The following PPP4R2 variants were observed in gnomAD, a reference collection of about 807,000 sequenced individuals.
The protein encoded by PPP4R2 is protein phosphatase 4 regulatory subunit 2.
Under a neutral mutation model 47.2 loss-of-function variants are expected in PPP4R2, and 13 were observed. That is an observed-to-expected ratio of 0.28 (90% CI 0.18 to 0.44). PPP4R2 has a LOEUF of 0.44. Ranked by LOEUF, PPP4R2 falls within the 20% of genes least tolerant of loss-of-function variation. The pLI, the probability that PPP4R2 is intolerant of heterozygous loss-of-function variation, is 1.00. For synonymous variants in PPP4R2, 151 were observed against 163.3 expected, an observed-to-expected ratio of 0.92 and a Z score of 0.57; for missense variants, 421 against 491.2, an observed-to-expected ratio of 0.86 and a Z score of 1.35.
chr3:73,036,349 T>C (rs1222542486), intron 2 of PPP4R2, among the ~76,000 whole-genome samples: 2 of 152,212 alleles, frequency 1.3e-5, no homozygotes, highest in African/African-American at 4.8e-5. Context: ...AGGATGACTA[T>C]AGTTAACAAT....
At chr3:73,012,651 C>G (rs2107229210) in intron 2 of PPP4R2, among the ~76,000 whole-genome samples, 1 of 152,270 alleles carries the variant, frequency 6.6e-6, no homozygotes, top group Admixed American at 6.5e-5. Flanking sequence ...GAATGTGGAA[C>G]TCGTAGATAC....
At chr3:72,999,648 G>A (rs1701419683) in intron 2 of PPP4R2, among the ~76,000 whole-genome samples, 1 of 152,168 alleles carries the variant, frequency 6.6e-6, no homozygotes, top group Admixed American at 6.5e-5. Flanking sequence ...CTAAAAGATA[G>A]CTTTTTAATA....
intron 2 of PPP4R2, among the ~76,000 whole-genome samples, chr3:73,018,834 A>T (rs1056950741): frequency 1.3e-5 from 2 of 152,074 alleles, no homozygotes; most frequent in Non-Finnish European, 2.9e-5. Flanking sequence ...ATTTACTGAG[A>T]AGTTTTCTTG....
rs890569323 is a variant in PPP4R2 at position 72,998,109 on chromosome 3, C to T, written c.67C>T (p.Pro23Ser). The change falls in exon 2 of 9, where the codon CCT (proline) becomes TCT (serine). Residue 23 changes from proline (P) to serine (S), a missense_variant. Transcript: ENST00000356692. ...FEKRGKKEVCPVLDQFLCHVA... is the reference protein window; with the variant it reads ...FEKRGKKEVCSVLDQFLCHVA... ...GAAGAGGGGGAAAAAGGAAGTTTGT[C>T]CTGTCCTGGATCAGTTTCTTTGTCA... 2 of 1,605,462 alleles carry T rather than the reference C, an allele frequency of 1.2e-6. No individual in the cohort carries two copies. The highest frequency in any genetic ancestry group is 2.3e-5 in the South Asian group (2 of 88,444).
intron 2 of PPP4R2, among the ~76,000 whole-genome samples, chr3:73,002,497 A>G (rs549221218): frequency 9.9e-4 from 150 of 152,160 alleles, no homozygotes; most frequent in Non-Finnish European, 1.2e-3. Flanking sequence ...GCCTTAAGCA[A>G]TCCTCCCAGA....
At chr3:73,032,748 C>CT in intron 2 of PPP4R2, among the ~76,000 whole-genome samples, 1 of 152,186 alleles carries the variant, frequency 6.6e-6, no homozygotes, top group Non-Finnish European at 1.5e-5. Context: ...AAACTTCCCA[C>CT]TTTAACTGCT....
intron 2 of PPP4R2, among the ~76,000 whole-genome samples, chr3:73,013,027 C>G (rs9850568): frequency 9.3e-5 from 14 of 150,632 alleles, no homozygotes; most frequent in Admixed American, 8.0e-4. Context: ...GATACTGATA[C>G]TTTTCTAGTC....
rs887301171 is a variant in PPP4R2, at chr3:73,006,731, A to G, written c.116+8573A>G. Among the ~76,000 whole-genome samples the G allele has an allele frequency of 3.6e-4, 55 of 152,308 alleles. 1 individual carries two copies. Among genetic ancestry groups the G allele is most frequent in the Non-Finnish European group, 1.5e-5 (1 of 68,034 alleles). On this transcript the variant is annotated intron_variant, in intron 2 of 8. Coordinates refer to ENST00000356692, the MANE Select transcript of PPP4R2 (RefSeq NM_174907.4). The stretch of plus-strand genomic sequence containing the variant: ...ACCTGCTTCGTCTTTTCGAACTCAG[A>G]GCAGTCTATTCACTCATTGCTAGAG...
Position 72,996,835 on chromosome 3 carries a change from G to C in PPP4R2, c.-203G>C, listed in dbSNP as rs1287526993. 1 of 397,428 alleles carries C rather than the reference G, an allele frequency of 2.5e-6. No individual in the cohort carries two copies. Among genetic ancestry groups the C allele is most frequent in the African/African-American group, 2.1e-5 (1 of 48,358 alleles). 24.6% of individuals were successfully genotyped at this position (397,428 alleles called of 1,614,324 possible). The stretch of plus-strand genomic sequence containing the variant: ...CGGGCGCCATGTTGGAGGGTTGGTG[G>C]TAGCGGCTTGGGGAGGTGCTCGCTC... On this transcript the variant is annotated 5_prime_UTR_variant, in exon 1 of 9. Transcript: ENST00000356692.
At chr3:72,997,093 C>G (rs1701361700) in intron 1 of PPP4R2, 22 bp downstream of exon 1, 12 of 1,367,526 alleles carry the variant, frequency 8.8e-6, no homozygotes, top group Non-Finnish European at 1.1e-5. Context: ...TGCCCCCTCT[C>G]CATTCCCCCT....
chr3:73,062,413 T>C, intron 5 of PPP4R2: 1 of 1,611,378 alleles, frequency 6.2e-7, no homozygotes, highest in South Asian at 1.1e-5. Context: ...AAGTCTATGC[T>C]AGACCCAGCA....
chr3:73,035,547 T>A (rs1207330633), intron 2 of PPP4R2, among the ~76,000 whole-genome samples: 1 of 152,210 alleles, frequency 6.6e-6, no homozygotes, highest in Non-Finnish European at 1.5e-5. Context: ...AGGTCTACCA[T>A]CTGACCTAGC....
In PPP4R2 at chr3:73,064,102, C is replaced by T. The variant is rs1002219843; in HGVS notation, c.594C>T (p.Asp198=). The T allele has an allele frequency of 1.5e-5, 24 of 1,612,870 alleles. No individual in the cohort carries two copies. Among genetic ancestry groups the T allele is most frequent in the Non-Finnish European group, 2.0e-5 (24 of 1,179,608 alleles). ...CAAATGGGTTGCCTGAGAGCACAGA[C>T]AGCAAAGAGGCAAATTTGCAGCAAA... The part of the protein sequence containing the change: ...MTTNGLPEST[D]SKEANLQQNE... Residue 198 remains aspartate (D), a synonymous_variant, in exon 7 of 9, where the codon GAC becomes GAT. Transcript: ENST00000356692.
At chr3:73,027,515 C>T (rs1702089502) in intron 2 of PPP4R2, among the ~76,000 whole-genome samples, 2 of 152,180 alleles carry the variant, frequency 1.3e-5, no homozygotes, top group Admixed American at 1.3e-4. Context: ...GTTTTTTCTA[C>T]TGTAGATGGT....
Position 73,022,333 on chromosome 3 carries a change from A to ATT in PPP4R2, c.116+24179_116+24180dup, listed in dbSNP as rs71624001. 3.6e-4 allele frequency among the ~76,000 whole-genome samples: 55 copies of ATT among 151,942 alleles called. No individual in the cohort carries two copies. In the East Asian group the frequency reaches 0.01, roughly 28 times the overall value. ...TTAAGAGAGTAATTTTTTTCAGTTG[A>ATT]TTTTTAAATAAGCTTAGGTTAGGGG... is the stretch of plus-strand genomic sequence containing the variant. On this transcript the variant is annotated intron_variant, in intron 2 of 8. Coordinates refer to ENST00000356692, the MANE Select transcript of PPP4R2 (RefSeq NM_174907.4).
intron 2 of PPP4R2, among the ~76,000 whole-genome samples, chr3:73,009,550 GTATAT>G (rs1701680727): frequency 6.6e-6 from 1 of 152,152 alleles, no homozygotes; most frequent in Non-Finnish European, 1.5e-5. Flanking sequence ...GACTATTACT[GTATAT>G]GACATTACTG....
Position 73,041,371 on chromosome 3 carries a change from C to CA in PPP4R2, c.117-5814dup, listed in dbSNP as rs1702375612. Among the ~76,000 whole-genome samples the CA allele has an allele frequency of 1.3e-5, 2 of 152,160 alleles. 1 individual carries two copies. Among genetic ancestry groups the CA allele is most frequent in the Admixed American group, 1.3e-4 (2 of 15,286 alleles). On this transcript the variant is annotated intron_variant, in intron 2 of 8. Transcript: ENST00000356692. Reference sequence around the variant, plus strand: ...ATGTCATAATTTTATGTAAGCAACTCAGTGTTTTCTTACTTTTGCAGATCT... The same window carrying CA: ...ATGTCATAATTTTATGTAAGCAACTCAAGTGTTTTCTTACTTTTGCAGATCT...
rs561296173 is a variant in PPP4R2, at chr3:72,998,809, T to C, written c.116+651T>C. On this transcript the variant is annotated intron_variant, in intron 2 of 8. Transcript: ENST00000356692. ...AGAAGGAACATTCCAGGTCATTGTT[T>C]TGCAGTTTGTGTGGTAGACACAATC... 5.3e-5 allele frequency among the ~76,000 whole-genome samples: 8 copies of C among 152,358 alleles called. No individual in the cohort carries two copies. In the East Asian group the frequency reaches 1.5e-3, roughly 29 times the overall value.
Position 73,065,119 on chromosome 3 carries a change from A to G in PPP4R2, c.906A>G (p.Glu302=), listed in dbSNP as rs773844452. The G allele has an allele frequency of 1.2e-6, 2 of 1,609,230 alleles. No individual in the cohort carries two copies. The highest frequency in any genetic ancestry group is 1.7e-6 in the Non-Finnish European group (2 of 1,178,152). Residue 302 remains glutamate, a synonymous_variant, in exon 8 of 9, where the codon GAA becomes GAG. Coordinates refer to ENST00000356692, the MANE Select transcript of PPP4R2 (RefSeq NM_174907.4). ...AGCACTGTACAGAAGAGGATGAAGAAGAGGATGAAGAGGAAGAAGAAGGTA... is the reference window on the plus strand; with the variant it reads ...AGCACTGTACAGAAGAGGATGAAGAGGAGGATGAAGAGGAAGAAGAAGGTA... The part of the protein sequence containing the change: ...TRQHCTEEDE[E]EDEEEEEESF...
Sources: gnomAD v4.1 joint callset for allele counts (sites outside exome capture counted in the v4.1 genomes callset) on GRCh38, gnomAD v4.1.1 for gene constraint, MANE v1.5 for transcripts, NCBI Gene and HGNC (gene_info 2026-07-23, HGNC 2026-07-21) for gene names.